Variants in ENPP3 observed in about 807,000 individuals in gnomAD.
ENPP3 encodes ectonucleotide pyrophosphatase/phosphodiesterase 3.
A neutral mutation model predicts 117.8 loss-of-function variants in ENPP3; 104 were observed. The observed-to-expected ratio is 0.88, with a 90% CI of 0.75 to 1.04. The LOEUF (loss-of-function observed/expected upper bound fraction) is 1.04. Among genes scored for constraint, ENPP3 ranks in the 50% least tolerant of loss-of-function variants. The probability of loss-of-function intolerance (pLI) is 0.00; values close to 1 mark genes in which losing one functional copy is unlikely to be tolerated. For missense variants in ENPP3, 1,026 were observed against 1,051.9 expected (o/e 0.98, Z 0.34); for synonymous variants, 380 against 349.9 (o/e 1.09, Z -0.96).
intron 14 of ENPP3, among the ~76,000 whole-genome samples, chr6:131,689,100 C>G (rs117818184): frequency 6.6e-6 from 1 of 151,924 alleles, no homozygotes. Flanking sequence ...GAAGCCTTCT[C>G]CATAACAGAA....
At chr6:131,697,618 T>TGCTAGATGGTCCTATCTGGGGGC in intron 15 of ENPP3, among the ~76,000 whole-genome samples, 1 of 151,604 alleles carries the variant, frequency 6.6e-6, no homozygotes, top group Non-Finnish European at 1.5e-5. Context: ...TGGGAGACAG[T>TGCTAGATGGTCCTATCTGGGGGC]GATTGGTCAT....
chr6:131,735,720 A>G (rs1321867948), intron 21 of ENPP3, among the ~76,000 whole-genome samples: 6 of 152,174 alleles, frequency 3.9e-5, no homozygotes, highest in African/African-American at 7.2e-5. Context: ...ATTTCACTCA[A>G]TGTCCTCAAG....
At chr6:131,652,085 C>T (rs1778275498) in intron 3 of ENPP3, among the ~76,000 whole-genome samples, 1 of 152,220 alleles carries the variant, frequency 6.6e-6, no homozygotes, top group African/African-American at 2.4e-5. Flanking sequence ...TGTCACTTTC[C>T]ACTGAGAAGT....
chr6:131,675,813 G>A (rs1225142361), intron 9 of ENPP3, among the ~76,000 whole-genome samples: 5 of 152,296 alleles, frequency 3.3e-5, no homozygotes, highest in African/African-American at 1.2e-4. Flanking sequence ...GTGTAGTCCA[G>A]CCTGGGCGAC....
intron 6 of ENPP3, among the ~76,000 whole-genome samples, chr6:131,665,042 A>G (rs1295202350): frequency 1.3e-5 from 2 of 152,170 alleles, no homozygotes; most frequent in Admixed American, 6.5e-5. Context: ...TGTTAATGCT[A>G]TATATCACAT....
chr6:131,730,302 AC>A (rs1483596190), intron 20 of ENPP3, among the ~76,000 whole-genome samples: 1 of 152,178 alleles, frequency 6.6e-6, no homozygotes, highest in Non-Finnish European at 1.5e-5. Flanking sequence ...AAGTGGAGAA[AC>A]CTGGTCACTC....
At position 131,734,064 on chromosome 6, in the gene ENPP3, G is replaced by A. The variant is rs551164551; in HGVS notation, c.2089+341G>A. ...TCCTGCCCAAGCTAAGGTCCACCTG[G>A]AGAATACAGCTGTGCCCGTGAAAAG... On this transcript the variant is annotated intron_variant, in intron 21 of 24. Transcript: ENST00000357639. Among the ~76,000 whole-genome samples, 68 of 152,250 alleles carry A rather than the reference G, an allele frequency of 4.5e-4. 1 individual carries two copies. The South Asian group carries it at 0.013, about 30-fold the overall frequency.
At chr6:131,735,897 G>A (rs930153617) in intron 21 of ENPP3, among the ~76,000 whole-genome samples, 1 of 152,146 alleles carries the variant, frequency 6.6e-6, no homozygotes, top group Non-Finnish European at 1.5e-5. Context: ...GGGATCTTCT[G>A]TACAGTATTG....
At chr6:131,738,206 G>C (rs183861320) in intron 23 of ENPP3, 43 bp downstream of exon 23, 2 of 1,518,434 alleles carry the variant, frequency 1.3e-6, no homozygotes, top group Non-Finnish European at 1.8e-6. Context: ...GGTCTCATGA[G>C]GGGAAATTCC....
intron 14 of ENPP3, among the ~76,000 whole-genome samples, chr6:131,692,931 G>C (rs901482379): frequency 1.6e-3 from 224 of 143,658 alleles, no homozygotes; most frequent in African/African-American, 5.1e-3. Context: ...CACTATATAT[G>C]ATATATAGTT....
rs145228859 is a variant in ENPP3, at chr6:131,725,404, C to G, written c.1799-642C>G. ...TGATGGCCTGATTCCTCATAAAGGG[C>G]CTTCTTCTCACTCTGAGCTCGTATA... On this transcript the variant is annotated intron_variant, in intron 19 of 24. Transcript: ENST00000357639. Among the ~76,000 whole-genome samples, 70 of 152,170 alleles carry G rather than the reference C, an allele frequency of 4.6e-4. No individual in the cohort carries two copies. In the East Asian group the frequency reaches 0.012, roughly 27 times the overall value.
At chr6:131,716,400 A>G (rs1410227275) in intron 15 of ENPP3, among the ~76,000 whole-genome samples, 1 of 152,132 alleles carries the variant, frequency 6.6e-6, no homozygotes, top group Admixed American at 6.5e-5. Context: ...GAAATTTTGC[A>G]ATATTTACTA....
At chr6:131,740,455 C>A in intron 24 of ENPP3, 75 bp downstream of exon 24, 1 of 1,163,330 alleles carries the variant, frequency 8.6e-7, no homozygotes, top group Non-Finnish European at 1.2e-6. Flanking sequence ...AAAAGTGGCT[C>A]TGACTAAAAC....
intron 3 of ENPP3, 58 bp from the exon 4 acceptor site, chr6:131,652,484 T>A: frequency 1.3e-6 from 2 of 1,535,860 alleles, no homozygotes; most frequent in Non-Finnish European, 1.8e-6. Flanking sequence ...ATAAATGAAA[T>A]TTGTATATTT....
intron 24 of ENPP3, among the ~76,000 whole-genome samples, chr6:131,745,385 C>T (rs1413289774): frequency 1.3e-5 from 2 of 151,824 alleles, no homozygotes; most frequent in East Asian, 3.9e-4. Flanking sequence ...CTGTATTAAG[C>T]CTGCATACTT....
chr6:131,698,845 T>C (rs1204034227), intron 15 of ENPP3, among the ~76,000 whole-genome samples: 1 of 65,948 alleles, frequency 1.5e-5, no homozygotes, highest in Non-Finnish European at 2.8e-5. Context: ...ATAAAAATTA[T>C]ACTACAGTAT....
At chr6:131,737,767 G>A (rs1213696878) in intron 22 of ENPP3, among the ~76,000 whole-genome samples, 1 of 152,128 alleles carries the variant, frequency 6.6e-6, no homozygotes, top group East Asian at 1.9e-4. Context: ...AACACTCGCT[G>A]TCCCATAAGC....
intron 15 of ENPP3, chr6:131,709,827 T>A (rs1429249591): frequency 6.2e-7 from 1 of 1,605,892 alleles, no homozygotes; most frequent in Middle Eastern, 2.1e-4. Context: ...TCCTGTAGAG[T>A]TTCATTTCAT....
chr6:131,674,384 TA>T lies in ENPP3; in HGVS notation c.762+104del, dbSNP rs546649528. 1.1e-4 allele frequency: 130 copies of T among 1,164,724 alleles called. No individual in the cohort carries two copies. In the Middle Eastern group the frequency reaches 1.5e-3, roughly 14 times the overall value. 72.1% of individuals were successfully genotyped at this position (1,164,724 alleles called of 1,614,324 possible). On this transcript the variant is annotated intron_variant, in intron 8 of 24. Transcript: ENST00000357639. ...TGGAGCAAGTTCTATGTCACCCATC[TA>T]GTTTCTAAGGGCTGAGGGTGCAAAG...
Sources: allele counts gnomAD v4.1 joint callset (sites outside exome capture counted in the v4.1 genomes callset), GRCh38; gene constraint gnomAD v4.1.1; transcripts MANE v1.5; gene names NCBI Gene and HGNC (gene_info 2026-07-23, HGNC 2026-07-21).